The following PRKCA variants were observed in gnomAD, a reference collection of about 807,000 sequenced individuals.
PRKCA encodes protein kinase C alpha.
A neutral mutation model predicts 87.0 loss-of-function variants in PRKCA; 27 were observed. The observed-to-expected ratio is 0.31, with a 90% CI of 0.23 to 0.43. The LOEUF (loss-of-function observed/expected upper bound fraction) is 0.43. PRKCA is among the 20% of genes least tolerant of loss of function. The pLI is 1.00. For synonymous variants in PRKCA, 329 were observed against 311.1 expected (o/e 1.06, Z -0.61); for missense variants, 518 against 852.3 (o/e 0.61, Z 4.88).
rs2075392053 is a variant in PRKCA, at chr17:66,656,394, A to G, written c.529+10883A>G. Among the ~76,000 whole-genome samples the G allele has an allele frequency of 2.0e-5, 3 of 152,208 alleles. No individual in the cohort carries two copies. In the South Asian group the frequency reaches 6.2e-4, roughly 32 times the overall value. On this transcript the variant is annotated intron_variant, in intron 5 of 16. Transcript: ENST00000413366. ...CAAATTATTTCTGGGGCCTCTTTCA[A>G]GATTACCCCATTAGCATACAGAGAC... is the stretch of plus-strand genomic sequence containing the variant.
intron 2 of PRKCA, among the ~76,000 whole-genome samples, chr17:66,371,670 G>A (rs1472109340): frequency 1.3e-5 from 2 of 152,162 alleles, no homozygotes; most frequent in African/African-American, 4.8e-5. Flanking sequence ...TTAGAATAGG[G>A]CCTGGCATAA....
chr17:66,698,893 T>G (rs1972994561), intron 8 of PRKCA, among the ~76,000 whole-genome samples: 1 of 150,002 alleles, frequency 6.7e-6, no homozygotes, highest in African/African-American at 2.5e-5. Flanking sequence ...GGCACAGGAA[T>G]CACTTGAACC....
intron 3 of PRKCA, among the ~76,000 whole-genome samples, chr17:66,636,883 ACT>A (rs1971163601): frequency 6.6e-6 from 1 of 151,834 alleles, no homozygotes; most frequent in African/African-American, 2.4e-5. Flanking sequence ...CTCATAGGAG[ACT>A]CTCTTGTTCT....
chr17:66,726,579 C>A (rs1973754359), intron 8 of PRKCA, among the ~76,000 whole-genome samples: 1 of 152,096 alleles, frequency 6.6e-6, no homozygotes, highest in African/African-American at 2.4e-5. Context: ...GAGCTTGCGG[C>A]AGGCTGGCAT....
rs924651706 is a variant in PRKCA, at chr17:66,412,356, C to T, written c.206-83845C>T. 4.6e-5 allele frequency among the ~76,000 whole-genome samples: 7 copies of T among 152,152 alleles called. No homozygotes were observed. In the East Asian group the frequency reaches 1.2e-3, roughly 25 times the overall value. On this transcript the variant is annotated intron_variant, in intron 2 of 16. Coordinates refer to ENST00000413366, the MANE Select transcript of PRKCA (RefSeq NM_002737.3). ...ACAAGCGTGAGCCACTGCACCTGGC[C>T]TATTTTTAAAATTTCTATTTATTTA... is the stretch of plus-strand genomic sequence containing the variant.
intron 8 of PRKCA, among the ~76,000 whole-genome samples, chr17:66,725,319 TG>T (rs1433733329): frequency 6.6e-6 from 1 of 152,214 alleles, no homozygotes; most frequent in African/African-American, 2.4e-5. Flanking sequence ...CAACTAGTGC[TG>T]GCTACAAGTT....
intron 2 of PRKCA, among the ~76,000 whole-genome samples, chr17:66,446,953 C>T (rs368319357): frequency 9.9e-5 from 15 of 152,162 alleles, no homozygotes; most frequent in East Asian, 5.8e-4. Context: ...TGTCACCCAG[C>T]GATTTCTAAA....
intron 8 of PRKCA, among the ~76,000 whole-genome samples, chr17:66,717,949 G>A (rs1973518915): frequency 1.3e-5 from 2 of 152,218 alleles, no homozygotes; most frequent in African/African-American, 4.8e-5. Flanking sequence ...TTGTGTGGGA[G>A]GAATCACCCA....
At chr17:66,765,453 T>TATATATATATCC (rs1974789146) in intron 13 of PRKCA, among the ~76,000 whole-genome samples, 2 of 137,178 alleles carry the variant, frequency 1.5e-5, no homozygotes, top group African/African-American at 5.4e-5. Flanking sequence ...TATATATATA[T>TATATATATATCC]ATCCATATAT....
intron 2 of PRKCA, among the ~76,000 whole-genome samples, chr17:66,323,197 T>C (rs965853151): frequency 6.6e-6 from 1 of 152,222 alleles, no homozygotes; most frequent in Non-Finnish European, 1.5e-5. Flanking sequence ...TGTGGAGTTT[T>C]CCACAATCAG....
chr17:66,536,434 T>C (rs1967785255), intron 3 of PRKCA, among the ~76,000 whole-genome samples: 1 of 152,224 alleles, frequency 6.6e-6, no homozygotes, highest in South Asian at 2.1e-4. Context: ...TTTAGTGAGG[T>C]TACAGCATAG....
rs116786029 is a variant in PRKCA, at chr17:66,678,965, A to T, written c.530-8146A>T. Among the ~76,000 whole-genome samples, 616 of 152,202 alleles carry T rather than the reference A, an allele frequency of 4.0e-3. 5 individuals are homozygous for T. The highest frequency in any genetic ancestry group is 0.014 in the African/African-American group (576 of 41,530). On this transcript the variant is annotated intron_variant, in intron 5 of 16. Coordinates refer to ENST00000413366, the MANE Select transcript of PRKCA (RefSeq NM_002737.3). ...CAGCAGAGAGAGAGAGAACCCACAAAGCACCATTTCCTCTTTGGTGGCATG... is the reference window on the plus strand; with the variant it reads ...CAGCAGAGAGAGAGAGAACCCACAATGCACCATTTCCTCTTTGGTGGCATG...
At chr17:66,485,169 A>T (rs771076401) in intron 2 of PRKCA, among the ~76,000 whole-genome samples, 6 of 152,192 alleles carry the variant, frequency 3.9e-5, no homozygotes, top group Admixed American at 1.3e-4. Context: ...GTGTATAGTA[A>T]GTGTACATCA....
intron 2 of PRKCA, among the ~76,000 whole-genome samples, chr17:66,363,001 G>A (rs904261585): frequency 6.6e-5 from 10 of 152,090 alleles, no homozygotes; most frequent in African/African-American, 2.2e-4. Context: ...GCTGCCTTGC[G>A]GGCTTTTAGG....
chr17:66,563,266 C>T (rs763779998), intron 3 of PRKCA, among the ~76,000 whole-genome samples: 1 of 152,150 alleles, frequency 6.6e-6, no homozygotes. Context: ...TGTCATGGCC[C>T]GTATCCACCT....
At chr17:66,623,289 A>G (rs1243122415) in intron 3 of PRKCA, among the ~76,000 whole-genome samples, 1 of 151,906 alleles carries the variant, frequency 6.6e-6, no homozygotes, top group Non-Finnish European at 1.5e-5. Flanking sequence ...TTTTTGCCTG[A>G]ACTTGATGTA....
At position 66,645,482 on chromosome 17, in the gene PRKCA, A is replaced by T; in HGVS notation, c.500A>T (p.Glu167Val). 1 of 1,614,172 alleles carries T rather than the reference A, an allele frequency of 6.2e-7. No individual in the cohort carries two copies. Among genetic ancestry groups the T allele is most frequent in the Non-Finnish European group, 8.5e-7 (1 of 1,180,032 alleles). Residue 167 changes from glutamate (E) to valine (V), a missense_variant, in exon 5 of 17, where the codon GAG becomes GTG. This residue lies in a region of PRKCA where 300 missense variants were observed against 496.8 expected (regional missense o/e 0.60). Transcript: ENST00000413366. ...EKRGRIYLKA[E>V]VADEKLHVTV... ...AGGGGGCGGATTTACCTAAAGGCTGAGGTTGCTGATGAAAAGCTCCATGTC... is the reference window on the plus strand; with the variant it reads ...AGGGGGCGGATTTACCTAAAGGCTGTGGTTGCTGATGAAAAGCTCCATGTC...
intron 10 of PRKCA, 53 bp from the exon 11 acceptor site, chr17:66,738,711 A>G: frequency 2.1e-6 from 3 of 1,443,478 alleles, no homozygotes; most frequent in Non-Finnish European, 2.9e-6. Context: ...AGAGCAAAGG[A>G]AGCCACTTGG....
At chr17:66,482,121 A>AAG (rs1915812768) in intron 2 of PRKCA, among the ~76,000 whole-genome samples, 2 of 148,228 alleles carry the variant, frequency 1.3e-5, no homozygotes, top group Admixed American at 6.7e-5. Context: ...AAAAAAAGAA[A>AAG]AAAAGAAAAA....
Sources: allele counts gnomAD v4.1 joint callset (sites outside exome capture counted in the v4.1 genomes callset), GRCh38; gene constraint gnomAD v4.1.1; regional missense constraint gnomAD v4.1.1; transcripts MANE v1.5; gene names NCBI Gene and HGNC (gene_info 2026-07-23, HGNC 2026-07-21).